Variants in TLCD3B observed in about 807,000 individuals in gnomAD.
TLCD3B encodes the protein ceramide synthase.
Under a neutral mutation model 23.0 loss-of-function variants are expected in TLCD3B, and 9 were observed. The ratio of observed to expected loss-of-function variants is 0.39; its 90% confidence interval spans 0.24 to 0.68. TLCD3B has a LOEUF of 0.68. Among genes scored for constraint, TLCD3B ranks in the 30% least tolerant of loss-of-function variants. The pLI is 0.44. For missense variants in TLCD3B, 307 were observed against 371.8 expected, an observed-to-expected ratio of 0.83 and a Z score of 1.43; for synonymous variants, 161 against 161.0, an observed-to-expected ratio of 1.00 and a Z score of 0.00.
At chr16:30,050,541 C>CA (rs1292996955) in intron 1 of TLCD3B, among the ~76,000 whole-genome samples, 5 of 151,016 alleles carry the variant, frequency 3.3e-5, no homozygotes, top group African/African-American at 9.7e-5. Context: ...GACTCTGTCT[C>CA]AAAAAAAACA....
At chr16:30,036,255 A>G (rs1467813260), upstream of TLCD3B, 2 of 1,289,122 alleles carry the variant, frequency 1.6e-6, no homozygotes, top group East Asian at 5.5e-5. Flanking sequence ...GATATTTGGA[A>G]CTTTAAAATG....
In TLCD3B at chr16:30,039,105, T is replaced by TC. The variant is rs1567307348; in HGVS notation, c.-67+1889_-67+1890insG. On this transcript the variant is annotated intron_variant, in intron 3 of 6. Transcript: ENST00000561666. ...ATCCTTCTCCTCCTCCTTCCTCTCTTTTTTTTTTTTTTTTTTTTTTTTTTT... is the reference window on the plus strand; with the variant it reads ...ATCCTTCTCCTCCTCCTTCCTCTCTTCTTTTTTTTTTTTTTTTTTTTTTTTT... Among the ~76,000 whole-genome samples the TC allele has an allele frequency of 3.1e-5, 4 of 127,080 alleles. 1 individual carries two copies. Among genetic ancestry groups the TC allele is most frequent in the Admixed American group, 1.6e-4 (2 of 12,764 alleles). 83.4% of individuals were successfully genotyped at this position (127,080 alleles called of 152,430 possible). A position where few individuals can be genotyped will look rare whatever the true frequency, so the allele number is the denominator to read the frequency against.
chr16:30,036,216 T>G (rs1438855289), upstream of TLCD3B: 16 of 1,288,660 alleles, frequency 1.2e-5, no homozygotes, highest in Non-Finnish European at 1.5e-5. Context: ...CACCCAGAAC[T>G]TGGAAAAAGG....
intron 3 of TLCD3B, among the ~76,000 whole-genome samples, chr16:30,039,645 CT>C (rs912312317): frequency 1.3e-5 from 2 of 151,742 alleles, no homozygotes; most frequent in African/African-American, 4.8e-5. Flanking sequence ...GGAAAGGAAT[CT>C]TTGTACTTTT....
intron 1 of TLCD3B, among the ~76,000 whole-genome samples, chr16:30,051,925 A>C (rs1170875827): frequency 6.6e-6 from 1 of 152,202 alleles, no homozygotes; most frequent in Non-Finnish European, 1.5e-5. Context: ...GAGACCCTAC[A>C]CACTGGTTCA....
chr16:30,037,542 CAAAAA>C (rs78393499), intron 3 of TLCD3B, among the ~76,000 whole-genome samples: 4 of 80,152 alleles, frequency 5.0e-5, no homozygotes, highest in Non-Finnish European at 1.1e-4. Context: ...GACTGTGTTT[CAAAAA>C]AAAAAAAAAA....
chr16:30,049,390 G>A (rs1027529134), intron 1 of TLCD3B, among the ~76,000 whole-genome samples: 4 of 152,108 alleles, frequency 2.6e-5, no homozygotes, highest in Non-Finnish European at 5.9e-5. Flanking sequence ...CCCTTCCCAC[G>A]TCCAAGCCTG....
chr16:30,030,143 T>C, intron 1 of TLCD3B: 2 of 1,485,468 alleles, frequency 1.3e-6, no homozygotes, highest in South Asian at 2.4e-5. Context: ...GGCCCTGTTT[T>C]GGAGGGTGGG....
At chr16:30,039,545 C>T (rs749666352) in intron 3 of TLCD3B, among the ~76,000 whole-genome samples, 3 of 152,218 alleles carry the variant, frequency 2.0e-5, no homozygotes, top group Non-Finnish European at 4.4e-5. Context: ...TAGCCTCTGC[C>T]TCAGCCTCCA....
At chr16:30,032,645 T>G (rs2071389262), upstream of TLCD3B, 1 of 140,122 alleles carries the variant, frequency 7.1e-6, no homozygotes, top group African/African-American at 2.8e-5. Context: ...TTGTGGGGTT[T>G]TTTTTTTTTT....
At chr16:30,041,269 T>G (rs909666938) in intron 2 of TLCD3B, 1 of 152,048 alleles carries the variant, frequency 6.6e-6, no homozygotes, top group Non-Finnish European at 1.5e-5. Context: ...TGTATTTATT[T>G]TTTGTTTGTT....
chr16:30,048,763 C>T (rs778842495), intron 1 of TLCD3B, among the ~76,000 whole-genome samples: 5 of 151,840 alleles, frequency 3.3e-5, no homozygotes, highest in Admixed American at 6.6e-5. Flanking sequence ...TGCACCACCA[C>T]GCCCAGCTAT....
At chr16:30,036,681 G>A (rs777141454) in intron 3 of TLCD3B, among the ~76,000 whole-genome samples, 21 of 152,156 alleles carry the variant, frequency 1.4e-4, no homozygotes, top group Non-Finnish European at 2.8e-4. Context: ...GCTGGGGGGC[G>A]GTTCCAGCAA....
chr16:30,045,003 G>A (rs1053868085), intron 2 of TLCD3B, among the ~76,000 whole-genome samples: 9 of 131,844 alleles, frequency 6.8e-5, no homozygotes, highest in African/African-American at 2.6e-4. Context: ...TGAGGCAGAA[G>A]AATTGCTTGA....
At chr16:30,038,516 C>T (rs1421246530) in intron 3 of TLCD3B, among the ~76,000 whole-genome samples, 1 of 152,154 alleles carries the variant, frequency 6.6e-6, no homozygotes, top group Non-Finnish European at 1.5e-5. Flanking sequence ...CTTTGGGAGG[C>T]CAAGGCGGGC....
At chr16:30,030,357 A>G in intron 1 of TLCD3B, 46 bp downstream of exon 1, 9 of 1,497,554 alleles carry the variant, frequency 6.0e-6, no homozygotes, top group Non-Finnish European at 8.1e-6. Flanking sequence ...ATTCCCTGAG[A>G]AGCCCAAGAA....
intron 3 of TLCD3B, 86 bp downstream of exon 3, chr16:30,026,523 C>T (rs1041033398): frequency 1.1e-5 from 14 of 1,218,378 alleles, no homozygotes; most frequent in Non-Finnish European, 1.5e-5. Context: ...GTACGCAGAC[C>T]CGGGGCTTCC....
chr16:30,044,246 C>A lies in TLCD3B; in HGVS notation c.-229+2077G>T, dbSNP rs116233744. On this transcript the variant is annotated intron_variant, in intron 2 of 6. Transcript: ENST00000561666. Reference sequence around the variant, plus strand: ...TCCCGACTTCAAGTGATCTGCCTGCCTCACACCTCCCAGAGTGCTGGGATT... The same window carrying A: ...TCCCGACTTCAAGTGATCTGCCTGCATCACACCTCCCAGAGTGCTGGGATT... 3.2e-3 allele frequency among the ~76,000 whole-genome samples: 490 copies of A among 152,094 alleles called. 1 individual carries two copies. Among genetic ancestry groups the A allele is most frequent in the African/African-American group, 0.011 (473 of 41,492 alleles).
intron 3 of TLCD3B, among the ~76,000 whole-genome samples, chr16:30,039,773 G>A (rs1199741230): frequency 6.6e-6 from 1 of 151,974 alleles, no homozygotes; most frequent in South Asian, 2.1e-4. Flanking sequence ...CACCATGCTC[G>A]GCCAGTGTTT....
Sources: gnomAD v4.1 joint callset for allele counts (sites outside exome capture counted in the v4.1 genomes callset) on GRCh38, gnomAD v4.1.1 for gene constraint, MANE v1.5 for transcripts, NCBI Gene and HGNC (gene_info 2026-07-23, HGNC 2026-07-21) for gene names.